Variants in CELF2 observed in about 807,000 individuals in gnomAD.
The protein encoded by CELF2 is CUGBP Elav-like family member 2.
A neutral mutation model predicts 62.6 loss-of-function variants in CELF2; 8 were observed. The ratio of observed to expected loss-of-function variants is 0.13; its 90% confidence interval spans 0.07 to 0.23. The LOEUF (loss-of-function observed/expected upper bound fraction) is 0.23, where lower values mean the gene tolerates loss of function less well. Among genes scored for constraint, CELF2 ranks in the 10% least tolerant of loss-of-function variants. The pLI, the probability that CELF2 is intolerant of heterozygous loss-of-function variation, is 1.00. For missense variants in CELF2, 333 were observed against 671.0 expected (o/e 0.50, Z 5.56); for synonymous variants, 258 against 250.0 (o/e 1.03, Z -0.30).
chr10:11,160,863 C>G (rs1309565835), intron 1 of CELF2, among the ~76,000 whole-genome samples: 1 of 152,018 alleles, frequency 6.6e-6, no homozygotes, highest in East Asian at 1.9e-4. Context: ...TAAGTTTGTT[C>G]TTCTTTTTAT....
chr10:11,237,555 A>G lies in CELF2; in HGVS notation c.355-11598A>G, dbSNP rs1320833587. ...TTCCCAATTTGAGGCCAGCACATGT[A>G]CCAGGTCGTCAAGGGGAGCCCAGGT... On this transcript the variant is annotated intron_variant, in intron 3 of 12. Coordinates refer to ENST00000633077, the MANE Select transcript of CELF2 (RefSeq NM_001326342.2). The surrounding 1 kb of genome is among the most constrained non-coding windows in gnomAD (Gnocchi z 4.0). Among the ~76,000 whole-genome samples, 1 of 152,188 alleles carries G rather than the reference A, an allele frequency of 6.6e-6. No individual in the cohort carries two copies. The highest frequency in any genetic ancestry group is 2.4e-5 in the African/African-American group (1 of 41,430).
At chr10:10,744,834 G>C in the CELF2 span, among the ~76,000 whole-genome samples, 1 of 152,018 alleles carries the variant, frequency 6.6e-6, no homozygotes. Flanking sequence ...GGCTCTCTAG[G>C]AGGAGGAGGG....
At chr10:11,121,320 T>C (rs1595686609) in intron 1 of CELF2, among the ~76,000 whole-genome samples, 2 of 152,126 alleles carry the variant, frequency 1.3e-5, no homozygotes, top group Non-Finnish European at 1.5e-5. Flanking sequence ...GATGCTGGAG[T>C]CTTTGTAGGT....
chr10:10,524,065 T>C, the CELF2 span, among the ~76,000 whole-genome samples: 3 of 152,158 alleles, frequency 2.0e-5, no homozygotes, highest in African/African-American at 7.2e-5. Flanking sequence ...TGCCCAGAGA[T>C]ACGTAAGCTG....
the CELF2 span, among the ~76,000 whole-genome samples, chr10:10,576,085 G>A: frequency 6.6e-6 from 1 of 152,208 alleles, no homozygotes; most frequent in Non-Finnish European, 1.5e-5. Flanking sequence ...GCATCTGGCT[G>A]CTGCTTTATC....
intron 1 of CELF2, among the ~76,000 whole-genome samples, chr10:10,828,359 T>C (rs1002274755): frequency 6.6e-6 from 1 of 152,218 alleles, no homozygotes; most frequent in African/African-American, 2.4e-5. Flanking sequence ...TGACCCATGC[T>C]ACAACACGGA....
chr10:10,512,461 C>A, the CELF2 span, among the ~76,000 whole-genome samples: 1 of 134,532 alleles, frequency 7.4e-6, no homozygotes, highest in Non-Finnish European at 1.5e-5. Flanking sequence ...GGCTGGAGTG[C>A]AGTGGCGTGA....
intron 2 of CELF2, among the ~76,000 whole-genome samples, chr10:11,197,361 A>T (rs1409869627): frequency 6.6e-6 from 1 of 152,206 alleles, no homozygotes; most frequent in Non-Finnish European, 1.5e-5. Flanking sequence ...TGGGTAAAAA[A>T]GGTTTTGTGG....
intron 8 of CELF2, among the ~76,000 whole-genome samples, chr10:11,281,042 G>A (rs2088470051): frequency 6.6e-6 from 1 of 150,698 alleles, no homozygotes; most frequent in South Asian, 2.1e-4. Flanking sequence ...AGGAGGCACT[G>A]TCTTCATCCT....
chr10:11,305,526 C>G lies in CELF2; in HGVS notation c.977-8613C>G, dbSNP rs2094136707. On this transcript the variant is annotated intron_variant, in intron 9 of 12. Transcript: ENST00000633077. This position sits in a 1 kb window ranked among gnomAD's most constrained non-coding sequence, Gnocchi z 4.8. The stretch of plus-strand genomic sequence containing the variant: ...AGTAAAATATCCGTCTGAAAGATGT[C>G]CTATTACCTGTTATTGTCAGTGGGA... 6.6e-6 allele frequency among the ~76,000 whole-genome samples: 1 copy of G among 152,230 alleles called. No homozygotes were observed. Among genetic ancestry groups the G allele is most frequent in the South Asian group, 2.1e-4 (1 of 4,836 alleles).
At chr10:10,744,116 G>A in the CELF2 span, among the ~76,000 whole-genome samples, 2 of 152,044 alleles carry the variant, frequency 1.3e-5, no homozygotes, top group Non-Finnish European at 2.9e-5. Flanking sequence ...ATCCAAAGTT[G>A]CTCAAAGAAG....
At position 11,211,769 on chromosome 10, in the gene CELF2, TGA is replaced by T. The variant is rs1277523809; in HGVS notation, c.272-5652_272-5651del. On this transcript the variant is annotated intron_variant, in intron 2 of 12. Transcript: ENST00000633077. This position sits in a 1 kb window ranked among gnomAD's most constrained non-coding sequence, Gnocchi z 4.8. ...AAACACACTACTGTGTGTGAGTGAG[TGA>T]GAGTGTGTGTGTATGTGTGTGAGAG... is the stretch of plus-strand genomic sequence containing the variant. 2.7e-5 allele frequency among the ~76,000 whole-genome samples: 4 copies of T among 150,424 alleles called. No homozygotes were observed. The highest frequency in any genetic ancestry group is 2.1e-4 in the South Asian group (1 of 4,698).
At chr10:11,256,770 G>A (rs1169941297) in intron 4 of CELF2, among the ~76,000 whole-genome samples, 4 of 151,526 alleles carry the variant, frequency 2.6e-5, no homozygotes, top group Non-Finnish European at 4.4e-5. Context: ...CACATTTCCC[G>A]AGCACAAGCA....
chr10:10,916,435 C>T (rs1203129362), intron 1 of CELF2, among the ~76,000 whole-genome samples: 1 of 152,212 alleles, frequency 6.6e-6, no homozygotes, highest in East Asian at 1.9e-4. Flanking sequence ...GCGTGTAAAG[C>T]ATAGTTTTCC....
At position 11,113,758 on chromosome 10, in the gene CELF2, A is replaced by G. The variant is rs140928745; in HGVS notation, c.75-51728A>G. 1.2e-3 allele frequency among the ~76,000 whole-genome samples: 177 copies of G among 152,292 alleles called. 1 individual carries two copies. Among genetic ancestry groups the G allele is most frequent in the African/African-American group, 4.0e-3 (166 of 41,564 alleles). The stretch of plus-strand genomic sequence containing the variant: ...AGCGGGTCTGCCTGTATGGATTTGC[A>G]TGAGCTGGGGTCCTGCCTAGTCTCC... On this transcript the variant is annotated intron_variant, in intron 1 of 12. Coordinates refer to ENST00000633077, the MANE Select transcript of CELF2 (RefSeq NM_001326342.2).
chr10:11,317,034 CATA>C (rs1320544169), intron 10 of CELF2: 2 of 152,162 alleles, frequency 1.3e-5, no homozygotes, highest in East Asian at 3.8e-4. Context: ...AGTTGAAGAA[CATA>C]CTTTTTCCAC....
Position 11,191,386 on chromosome 10 carries a change from C to G in CELF2, c.271+25704C>G, listed in dbSNP as rs972367753. On this transcript the variant is annotated intron_variant, in intron 2 of 12. Transcript: ENST00000633077. This position sits in a 1 kb window ranked among gnomAD's most constrained non-coding sequence, Gnocchi z 4.1. The stretch of plus-strand genomic sequence containing the variant: ...TAAGGGGCTCCATCACACATGTACC[C>G]GTCCTCTATTGTGTGGGAGGTACCC... Among the ~76,000 whole-genome samples, 1 of 152,132 alleles carries G rather than the reference C, an allele frequency of 6.6e-6. No individual in the cohort carries two copies. Among genetic ancestry groups the G allele is most frequent in the Non-Finnish European group, 1.5e-5 (1 of 68,034 alleles).
chr10:10,610,263 G>A, the CELF2 span, among the ~76,000 whole-genome samples: 1 of 152,150 alleles, frequency 6.6e-6, no homozygotes, highest in Non-Finnish European at 1.5e-5. Context: ...ACTAATTAGA[G>A]CTGTATCCTT....
chr10:11,282,908 G>C lies in CELF2; in HGVS notation c.842-5510G>C, dbSNP rs1054900115. Among the ~76,000 whole-genome samples the C allele has an allele frequency of 6.6e-5, 10 of 152,254 alleles. 1 individual carries two copies. The highest frequency in any genetic ancestry group is 1.5e-5 in the Non-Finnish European group (1 of 68,044). On this transcript the variant is annotated intron_variant, in intron 8 of 12. Coordinates refer to ENST00000633077, the MANE Select transcript of CELF2 (RefSeq NM_001326342.2). ...TGTGTTCCAAGAAACGTGAGGCCCT[G>C]CCTCACCTCTGGTGTACAAGCACTT... is the stretch of plus-strand genomic sequence containing the variant.
Sources: gnomAD v4.1 joint callset for allele counts (sites outside exome capture counted in the v4.1 genomes callset) on GRCh38, gnomAD v4.1.1 for gene constraint, Gnocchi (gnomAD v3.1) non-coding constraint, MANE v1.5 for transcripts, NCBI Gene and HGNC (gene_info 2026-07-23, HGNC 2026-07-21) for gene names.